SHMT2: variants seen among roughly 807,000 people sequenced by gnomAD.
SHMT2 encodes serine hydroxymethyltransferase, mitochondrial.
In SHMT2, 38 loss-of-function variants were observed where a neutral mutation model predicts 59.6. That is an observed-to-expected ratio of 0.64 (90% CI 0.49 to 0.84). The LOEUF (loss-of-function observed/expected upper bound fraction) is 0.84, where lower values mean the gene tolerates loss of function less well. SHMT2 is among the 40% of genes least tolerant of loss of function. SHMT2 has a pLI of 0.00. For synonymous variants in SHMT2, 254 were observed against 258.1 expected (o/e 0.98, Z 0.15); for missense variants, 533 against 659.5 (o/e 0.81, Z 2.10).
intron 1 of SHMT2, chr12:57,230,090 AC>A (rs2037249066): frequency 5.1e-6 from 7 of 1,366,120 alleles, no homozygotes; most frequent in Non-Finnish European, 4.7e-6. Flanking sequence ...TGCCCCGCGG[AC>A]CCGGTGCTGG....
Position 57,230,146 on chromosome 12 carries a change from C to G in SHMT2, c.33+335C>G. 3.1e-6 allele frequency: 4 copies of G among 1,308,226 alleles called. No individual in the cohort carries two copies. The South Asian group carries it at 5.8e-5, about 19-fold the overall frequency. The allele number at this position is 1,308,226 out of a possible 1,614,324, so 81.0% of individuals were successfully genotyped here. A position where few individuals can be genotyped will look rare whatever the true frequency, so the allele number is the denominator to read the frequency against. On this transcript the variant is annotated intron_variant, in intron 1 of 11. Coordinates refer to ENST00000328923, the MANE Select transcript of SHMT2 (RefSeq NM_005412.6). ...GCCTGGTCTCACAAGCTGAGCCTTT[C>G]CGGCCAGCTCTGAGCCCTGCAGATG...
intron 8 of SHMT2, 81 bp downstream of exon 8, chr12:57,233,426 G>T (rs1250888084): frequency 8.6e-6 from 13 of 1,517,104 alleles, no homozygotes; most frequent in Non-Finnish European, 1.2e-5. Flanking sequence ...CTGATGCTGG[G>T]GCTGATGGAA....
In SHMT2 at chr12:57,234,490, G is replaced by T; in HGVS notation, c.*129G>T. On this transcript the variant is annotated 3_prime_UTR_variant, in exon 12 of 12. Transcript: ENST00000328923. ...ACCTCTCACTTAGGGCAAGAGCCAG[G>T]TATAGTCTCCCTTCCCAGAATTTGT... 2.1e-6 allele frequency: 2 copies of T among 969,460 alleles called. No individual in the cohort carries two copies. Among genetic ancestry groups the T allele is most frequent in the Non-Finnish European group, 2.9e-6 (2 of 691,172 alleles). 60.1% of individuals were successfully genotyped at this position (969,460 alleles called of 1,614,324 possible).
chr12:57,230,540 C>A (rs1437272732), intron 1 of SHMT2: 11 of 1,351,038 alleles, frequency 8.1e-6, no homozygotes, highest in Non-Finnish European at 1.1e-5. Context: ...ACAAGCTTTG[C>A]AGAGTGGTTC....
In SHMT2 at chr12:57,232,218, C is replaced by T. The variant is rs1374673886; in HGVS notation, c.520C>T (p.His174Tyr). The T allele has an allele frequency of 6.2e-7, 1 of 1,614,094 alleles. No homozygotes were observed. Among genetic ancestry groups the T allele is most frequent in the Admixed American group, 1.7e-5 (1 of 60,012 alleles). Residue 174 changes from histidine to tyrosine, a missense_variant, in exon 5 of 12, where the codon CAC becomes TAC. Transcript: ENST00000328923. ...CTTCCTCTCACTTCGCAGTCTCACCCACGGCTACATGTCTGACGTCAAGCG... is the reference window on the plus strand; with the variant it reads ...CTTCCTCTCACTTCGCAGTCTCACCTACGGCTACATGTCTGACGTCAAGCG... ...LDLPDGGHLT[H>Y]GYMSDVKRIS...
At position 57,233,749 on chromosome 12, in the gene SHMT2, G is replaced by C. The variant is rs773224457; in HGVS notation, c.1124G>C (p.Gly375Ala). The C allele has an allele frequency of 4.3e-6, 7 of 1,614,058 alleles. No individual in the cohort carries two copies. Among genetic ancestry groups the C allele is most frequent in the Non-Finnish European group, 5.9e-6 (7 of 1,180,012 alleles). Residue 375 changes from glycine to alanine, a missense_variant and splice_region_variant, in exon 10 of 12, where the codon GGT (glycine) becomes GCT (alanine). By Grantham distance (60) the Gly-to-Ala change is moderately conservative (BLOSUM62 0). Transcript: ENST00000328923. ...LLERGYSLVS[G>A]GTDNHLVLVD... Reference sequence around the variant, plus strand: ...ACTCCCCATTTCTTACCCACCTTAGGTGGTACTGACAACCACCTGGTGCTG... The same window carrying C: ...ACTCCCCATTTCTTACCCACCTTAGCTGGTACTGACAACCACCTGGTGCTG...
chr12:57,230,257 G>A, intron 1 of SHMT2: 2 of 1,204,580 alleles, frequency 1.7e-6, no homozygotes, highest in South Asian at 1.5e-5. Context: ...AGGGGGCTAA[G>A]TAAGGGGAAA....
In SHMT2 at chr12:57,233,445, C is replaced by T. The variant is rs1210947900; in HGVS notation, c.1023+100C>T. On this transcript the variant is annotated intron_variant, in intron 8 of 11. Transcript: ENST00000328923. Reference sequence around the variant, plus strand: ...TGCTGGGGCTGATGGAAGGGAAATGCCAGGATGGAAGGAGTCAAGGCTGGG... The same window carrying T: ...TGCTGGGGCTGATGGAAGGGAAATGTCAGGATGGAAGGAGTCAAGGCTGGG... The T allele has an allele frequency of 2.7e-6, 4 of 1,504,730 alleles. No homozygotes were observed. In the South Asian group the frequency reaches 3.8e-5, roughly 14 times the overall value. 93.2% of individuals were successfully genotyped at this position (1,504,730 alleles called of 1,614,324 possible). A position where few individuals can be genotyped will look rare whatever the true frequency, so the allele number is the denominator to read the frequency against.
Position 57,232,520 on chromosome 12 carries a change from T to C in SHMT2, c.662T>C (p.Ile221Thr). ...LTARLFRPRL[I>T]IAGTSAYARL... ...GCTCGACTTTTCCGGCCACGGCTCATCATAGCTGGCACCAGCGCCTATGCT... is the reference window on the plus strand; with the variant it reads ...GCTCGACTTTTCCGGCCACGGCTCACCATAGCTGGCACCAGCGCCTATGCT... The change falls in exon 6 of 12, where the codon ATC becomes ACC. Residue 221 changes from isoleucine to threonine, a missense_variant. By Grantham distance (89) the Ile-to-Thr change is moderately conservative. Transcript: ENST00000328923. 1 of 1,614,214 alleles carries C rather than the reference T, an allele frequency of 6.2e-7. No individual in the cohort carries two copies. Among genetic ancestry groups the C allele is most frequent in the Non-Finnish European group, 8.5e-7 (1 of 1,180,024 alleles).
chr12:57,231,052 A>G (rs1204728330), intron 2 of SHMT2, 52 bp downstream of exon 2: 3 of 1,553,040 alleles, frequency 1.9e-6, no homozygotes, highest in Non-Finnish European at 2.7e-6. Context: ...TACAGGAAGT[A>G]ACAAAGTTAT....
In SHMT2 at chr12:57,231,334, C is replaced by G. The variant is rs2037308328; in HGVS notation, c.232-147C>G. 25 of 820,836 alleles carry G rather than the reference C, an allele frequency of 3.0e-5. 1 individual carries two copies. In the South Asian group the frequency reaches 4.5e-4, roughly 15 times the overall value. 50.8% of individuals were successfully genotyped at this position (820,836 alleles called of 1,614,324 possible). A position where few individuals can be genotyped will look rare whatever the true frequency, so the allele number is the denominator to read the frequency against. ...AGATGGGTTTCTGAGAATGCTGCCTCTGGCTTTGCCCCAGGCCTGGTGCTG... is the reference window on the plus strand; with the variant it reads ...AGATGGGTTTCTGAGAATGCTGCCTGTGGCTTTGCCCCAGGCCTGGTGCTG... On this transcript the variant is annotated intron_variant, in intron 2 of 11. Coordinates refer to ENST00000328923, the MANE Select transcript of SHMT2 (RefSeq NM_005412.6).
chr12:57,234,481 A>G lies in SHMT2; in HGVS notation c.*120A>G. On this transcript the variant is annotated 3_prime_UTR_variant, in exon 12 of 12. Coordinates refer to ENST00000328923, the MANE Select transcript of SHMT2 (RefSeq NM_005412.6). ...GGAGGGAAGACCTCTCACTTAGGGC[A>G]AGAGCCAGGTATAGTCTCCCTTCCC... The G allele has an allele frequency of 1.8e-6, 2 of 1,103,776 alleles. No individual in the cohort carries two copies. The highest frequency in any genetic ancestry group is 2.5e-6 in the Non-Finnish European group (2 of 796,802). The allele number at this position is 1,103,776 out of a possible 1,614,324, so 68.4% of individuals were successfully genotyped here.
At chr12:57,230,535 C>T in intron 1 of SHMT2, 5 of 1,340,672 alleles carry the variant, frequency 3.7e-6, no homozygotes, top group Non-Finnish European at 4.8e-6. Flanking sequence ...GGAGGACAAG[C>T]TTTGCAGAGT....
chr12:57,230,959 A>T lies in SHMT2; in HGVS notation c.190A>T (p.Lys64Ter). ...PEMWELLQRE[K>*]DRQCRGLELI... is the part of the protein sequence containing the mutation. ...GATGTGGGAGTTGCTGCAGAGGGAGAAGGACAGGCAGTGTCGTGGCCTGGA... is the reference window on the plus strand; with the variant it reads ...GATGTGGGAGTTGCTGCAGAGGGAGTAGGACAGGCAGTGTCGTGGCCTGGA... Residue 64 changes from lysine to a stop codon, truncating the protein, a stop_gained, in exon 2 of 12, where the codon AAG becomes TAG. Transcript: ENST00000328923. LOFTEE classifies it high-confidence loss of function. The T allele has an allele frequency of 6.2e-7, 1 of 1,613,678 alleles. No homozygotes were observed. The highest frequency in any genetic ancestry group is 8.5e-7 in the Non-Finnish European group (1 of 1,179,972).
Position 57,232,850 on chromosome 12 carries a change from C to T in SHMT2, c.857+7C>T, listed in dbSNP as rs781375481. On this transcript the variant is annotated splice_region_variant and intron_variant, in intron 7 of 11. Transcript: ENST00000328923. ...AGACTCTTCGAGGGGCCAGGTCAGG[C>T]TCCCTGAGGTCGGGCCTTGCCTTTC... 14 of 1,602,228 alleles carry T rather than the reference C, an allele frequency of 8.7e-6. No homozygotes were observed. Among genetic ancestry groups the T allele is most frequent in the Non-Finnish European group, 1.2e-5 (14 of 1,170,194 alleles).
intron 3 of SHMT2, 40 bp downstream of exon 3, chr12:57,231,600 TG>T: frequency 6.2e-7 from 1 of 1,612,648 alleles, no homozygotes; most frequent in Non-Finnish European, 8.5e-7. Flanking sequence ...GTGCTCCCAG[TG>T]GGGGAACCCA....
At position 57,231,876 on chromosome 12, in the gene SHMT2, G is replaced by C; in HGVS notation, c.475G>C (p.Asp159His). Reference protein sequence around the residue: ...AVYTALLQPHDRIMGLDLPDG... With the variant: ...AVYTALLQPHHRIMGLDLPDG... The stretch of plus-strand genomic sequence containing the variant: ...CTACACAGCCCTTCTGCAACCTCAC[G>C]ACCGGATCATGGGGCTGGACCTGCC... Residue 159 changes from aspartate to histidine, a missense_variant, in exon 4 of 12, where the codon GAC (aspartate) becomes CAC (histidine). Transcript: ENST00000328923. The C allele has an allele frequency of 6.2e-7, 1 of 1,613,218 alleles. No individual in the cohort carries two copies. The highest frequency in any genetic ancestry group is 8.5e-7 in the Non-Finnish European group (1 of 1,179,620).
rs779532926 is a variant in SHMT2, at chr12:57,233,793, G to A, written c.1168G>A (p.Gly390Ser). Residue 390 changes from glycine (G) to serine (S), a missense_variant, in exon 10 of 12, where the codon GGC becomes AGC. Coordinates refer to ENST00000328923, the MANE Select transcript of SHMT2 (RefSeq NM_005412.6). The part of the protein sequence containing the change: ...HLVLVDLRPK[G>S]LDGARAERVL... Reference sequence around the variant, plus strand: ...GGTGCTGGTGGACCTGCGGCCCAAGGGCCTGGATGGAGCTCGGGCTGAGCG... The same window carrying A: ...GGTGCTGGTGGACCTGCGGCCCAAGAGCCTGGATGGAGCTCGGGCTGAGCG... 4 of 1,614,226 alleles carry A rather than the reference G, an allele frequency of 2.5e-6. No homozygotes were observed. In the East Asian group the frequency reaches 6.7e-5, roughly 27 times the overall value.
rs1351331675 is a variant in SHMT2, at chr12:57,229,729, T to G, written c.-50T>G. 6.2e-7 allele frequency: 1 copy of G among 1,612,746 alleles called. No individual in the cohort carries two copies. Among genetic ancestry groups the G allele is most frequent in the Admixed American group, 1.7e-5 (1 of 60,000 alleles). On this transcript the variant is annotated 5_prime_UTR_variant, in exon 1 of 12. Coordinates refer to ENST00000328923, the MANE Select transcript of SHMT2 (RefSeq NM_005412.6). ...GAACGGTCTTCTTCCGACAGCTTGC[T>G]GCCCTAGACCAGAGTTGGTGGCTGG...
Sources: gnomAD v4.1 joint callset for allele counts on GRCh38, gnomAD v4.1.1 for gene constraint, MANE v1.5 for transcripts, NCBI Gene and HGNC (gene_info 2026-07-23, HGNC 2026-07-21) for gene names.